CRIM1: variants seen among roughly 807,000 people sequenced by gnomAD.
CRIM1 encodes the protein cysteine-rich motor neuron 1 protein.
Under a neutral mutation model 116.4 loss-of-function variants are expected in CRIM1, and 32 were observed. The observed-to-expected ratio is 0.27, with a 90% CI of 0.21 to 0.37. CRIM1 has a LOEUF of 0.37. CRIM1 is among the 10% of genes least tolerant of loss of function. The probability of loss-of-function intolerance (pLI) is 1.00; values close to 1 mark genes in which losing one functional copy is unlikely to be tolerated. For synonymous variants in CRIM1, 590 were observed against 509.2 expected (o/e 1.16, Z -2.13); for missense variants, 1,331 against 1,354.8 (o/e 0.98, Z 0.28).
chr2:36,394,887 C>T (rs1440308161), intron 1 of CRIM1, among the ~76,000 whole-genome samples: 4 of 151,974 alleles, frequency 2.6e-5, no homozygotes, highest in South Asian at 2.1e-4. Context: ...GTAACGACCT[C>T]TTGATGAGAA....
At chr2:36,528,467 G>A (rs1665902941) in intron 13 of CRIM1, among the ~76,000 whole-genome samples, 1 of 152,216 alleles carries the variant, frequency 6.6e-6, no homozygotes, top group Admixed American at 6.5e-5. Context: ...TATCAGAAGT[G>A]AGAAAATAGG....
intron 4 of CRIM1, among the ~76,000 whole-genome samples, chr2:36,444,617 CAT>C (rs1320209062): frequency 2.0e-5 from 3 of 152,208 alleles, no homozygotes; most frequent in Non-Finnish European, 1.5e-5. Flanking sequence ...ACATTGAAAA[CAT>C]AGAGAAGGAA....
chr2:36,409,830 A>G (rs1291920654), intron 2 of CRIM1, among the ~76,000 whole-genome samples: 3 of 152,242 alleles, frequency 2.0e-5, no homozygotes, highest in African/African-American at 7.2e-5. Flanking sequence ...TTTTTTAAAG[A>G]AGCATTCTAA....
At chr2:36,399,166 T>G (rs1390652179) in intron 2 of CRIM1, among the ~76,000 whole-genome samples, 1 of 152,188 alleles carries the variant, frequency 6.6e-6, no homozygotes, top group Non-Finnish European at 1.5e-5. Context: ...AGGACCAGAT[T>G]ATGAAATGTC....
intron 2 of CRIM1, among the ~76,000 whole-genome samples, chr2:36,401,159 T>A (rs1672375847): frequency 1.3e-5 from 2 of 152,176 alleles, no homozygotes; most frequent in Non-Finnish European, 2.9e-5. Context: ...ATACTGGAAA[T>A]TTCTGGGCAT....
intron 8 of CRIM1, among the ~76,000 whole-genome samples, chr2:36,506,567 A>C (rs2023408): frequency 2.0e-5 from 3 of 151,864 alleles, no homozygotes; most frequent in African/African-American, 7.3e-5. Flanking sequence ...AAACATTCCT[A>C]TTTTTCCAGA....
At chr2:36,527,134 T>A (rs951768358) in intron 13 of CRIM1, among the ~76,000 whole-genome samples, 45 of 151,206 alleles carry the variant, frequency 3.0e-4, no homozygotes, top group African/African-American at 1.0e-3. Flanking sequence ...TGGATGATTG[T>A]TTGTGTTTAT....
chr2:36,523,970 G>A (rs1357515168), intron 13 of CRIM1, among the ~76,000 whole-genome samples: 1 of 152,200 alleles, frequency 6.6e-6, no homozygotes, highest in African/African-American at 2.4e-5. Context: ...AATGGTCAAA[G>A]AGTAATAAAA....
chr2:36,356,337 C>T lies in CRIM1; in HGVS notation c.45C>T (p.His15=), dbSNP rs1668793959. The change falls in exon 1 of 17, where the codon CAC becomes CAT. Residue 15 remains histidine, a synonymous_variant. Transcript: ENST00000280527. This position sits in a 1 kb window ranked among gnomAD's most constrained non-coding sequence, Gnocchi z 4.3. ...AGDRGLAGCG[H]LLVSLLGLLL... ...ACAGGGGGTTGGCCGGCTGCGGGCACCTCCTGGTCTCGCTGCTGGGGCTGC... is the reference window on the plus strand; with the variant it reads ...ACAGGGGGTTGGCCGGCTGCGGGCATCTCCTGGTCTCGCTGCTGGGGCTGC... 3.1e-6 allele frequency: 5 copies of T among 1,587,846 alleles called. No individual in the cohort carries two copies. Among genetic ancestry groups the T allele is most frequent in the Non-Finnish European group, 4.3e-6 (5 of 1,169,788 alleles).
chr2:36,473,405 A>G (rs572975027), intron 5 of CRIM1, among the ~76,000 whole-genome samples: 19 of 152,246 alleles, frequency 1.2e-4, no homozygotes, highest in Admixed American at 1.3e-4. Flanking sequence ...TAAGTTGTGC[A>G]ATTCTGTTGT....
At chr2:36,464,300 A>G (rs983532405) in intron 4 of CRIM1, among the ~76,000 whole-genome samples, 2 of 152,208 alleles carry the variant, frequency 1.3e-5, no homozygotes, top group East Asian at 3.8e-4. Flanking sequence ...TTTCTGTCAA[A>G]ATGGTTAAAG....
At chr2:36,515,331 C>G (rs1052663521) in intron 11 of CRIM1, among the ~76,000 whole-genome samples, 6 of 152,222 alleles carry the variant, frequency 3.9e-5, no homozygotes, top group African/African-American at 1.4e-4. Flanking sequence ...AAAGTTCTTA[C>G]GTAAGCACAC....
intron 13 of CRIM1, among the ~76,000 whole-genome samples, chr2:36,534,641 GGGAAA>G (rs1205911970): frequency 6.8e-6 from 1 of 148,140 alleles, no homozygotes; most frequent in Non-Finnish European, 1.5e-5. Context: ...CAGACAGGAA[GGGAAA>G]GGAAGGGAAG....
At chr2:36,512,915 G>A (rs1664786209) in intron 10 of CRIM1, among the ~76,000 whole-genome samples, 1 of 152,196 alleles carries the variant, frequency 6.6e-6, no homozygotes, top group Admixed American at 6.5e-5. Flanking sequence ...GGCTTCTCCA[G>A]GGAGCTTCCT....
At chr2:36,522,436 C>A in intron 13 of CRIM1, 123 bp downstream of exon 13, 1 of 727,112 alleles carries the variant, frequency 1.4e-6, no homozygotes, top group Non-Finnish European at 2.4e-6. Context: ...ACATGTCACA[C>A]AGACCCAGTG....
chr2:36,510,151 T>G lies in CRIM1; in HGVS notation c.1658+12T>G, dbSNP rs758321326. The G allele has an allele frequency of 5.6e-6, 9 of 1,607,626 alleles. No individual in the cohort carries two copies. Among genetic ancestry groups the G allele is most frequent in the African/African-American group, 2.7e-5 (2 of 74,640 alleles). The stretch of plus-strand genomic sequence containing the variant: ...CCACTTGGATTGCTGTACGTATTTG[T>G]TAATTCAGAAAAGCTATTATGAAGT... On this transcript the variant is annotated intron_variant, in intron 9 of 16. Coordinates refer to ENST00000280527, the MANE Select transcript of CRIM1 (RefSeq NM_016441.3).
intron 7 of CRIM1, among the ~76,000 whole-genome samples, chr2:36,498,737 A>T (rs1021858461): frequency 2.6e-5 from 4 of 152,214 alleles, no homozygotes; most frequent in African/African-American, 9.6e-5. Context: ...CAGGTGTTTT[A>T]AGCTAGTCTC....
intron 11 of CRIM1, among the ~76,000 whole-genome samples, chr2:36,514,728 GA>G (rs3841899): frequency 0.35 from 52,775 of 151,694 alleles, 9,356 homozygotes; most frequent in Middle Eastern, 0.48. Context: ...GTGTAGCCGG[GA>G]GCCTGAGGCC....
chr2:36,388,738 C>T (rs1002818721), intron 1 of CRIM1, among the ~76,000 whole-genome samples: 3 of 149,522 alleles, frequency 2.0e-5, no homozygotes, highest in Non-Finnish European at 4.4e-5. Flanking sequence ...TCCCGTAGCC[C>T]CAATTTCTCC....
Sources: gnomAD v4.1 joint callset for allele counts (sites outside exome capture counted in the v4.1 genomes callset) on GRCh38, gnomAD v4.1.1 for gene constraint, Gnocchi (gnomAD v3.1) non-coding constraint, MANE v1.5 for transcripts, NCBI Gene and HGNC (gene_info 2026-07-23, HGNC 2026-07-21) for gene names.